Variants in PIR observed in about 807,000 individuals in gnomAD.
PIR encodes pirin (iron-binding nuclear protein).
A neutral mutation model predicts 24.2 loss-of-function variants in PIR; 22 were observed. The ratio of observed to expected loss-of-function variants is 0.91; its 90% confidence interval spans 0.65 to 1.30. PIR has a LOEUF of 1.30. PIR is among the 50% of genes most tolerant of loss of function. PIR has a pLI of 0.00. For synonymous variants in PIR, 80 were observed against 79.6 expected, an observed-to-expected ratio of 1.00 and a Z score of -0.03; for missense variants, 220 against 220.3, an observed-to-expected ratio of 1.00 and a Z score of 0.01.
chrX:15,434,526 C>T (rs1282335183), intron 5 of PIR, among the ~76,000 whole-genome samples: 2 of 110,327 alleles, frequency 1.8e-5, no homozygotes, highest in Non-Finnish European at 3.8e-5. Flanking sequence ...ACATGGAAGT[C>T]AGTGGTGACT....
chrX:15,417,066 C>T lies in PIR; in HGVS notation c.565+8840G>A, dbSNP rs568423267. Among the ~76,000 whole-genome samples the T allele has an allele frequency of 4.0e-3, 450 of 111,697 alleles. 1 individual carries two copies. Among genetic ancestry groups the T allele is most frequent in the Non-Finnish European group, 5.7e-3 (305 of 53,105 alleles). On this transcript the variant is annotated intron_variant, in intron 6 of 9. Transcript: ENST00000380420. ...CATGCCTCAGCCAATCCCCGCCCCC[C>T]TCCACCCCCAGTAGCTGGGACTATA...
At chrX:15,406,430 C>A in intron 7 of PIR, among the ~76,000 whole-genome samples, 1 of 111,995 alleles carries the variant, frequency 8.9e-6, no homozygotes, top group Non-Finnish European at 1.9e-5. Context: ...TGTAATCCCA[C>A]TGGGAAACTA....
At chrX:15,430,572 C>A (rs1000265693) in intron 5 of PIR, among the ~76,000 whole-genome samples, 5 of 111,441 alleles carry the variant, frequency 4.5e-5, no homozygotes, top group Non-Finnish European at 9.4e-5. Context: ...GTCTCAGACA[C>A]CACTCCAATA....
intron 3 of PIR, among the ~76,000 whole-genome samples, chrX:15,476,486 C>A (rs1922198465): frequency 9.0e-6 from 1 of 111,136 alleles, no homozygotes; most frequent in Non-Finnish European, 1.9e-5. Flanking sequence ...TTACAAAGTT[C>A]TTCCTTCTAT....
intron 6 of PIR, among the ~76,000 whole-genome samples, chrX:15,413,118 T>C (rs1191682975): frequency 8.9e-6 from 1 of 112,364 alleles, no homozygotes. Flanking sequence ...GTTTTTAATC[T>C]TCTCTACACA....
At chrX:15,424,493 T>A (rs963438101) in intron 6 of PIR, among the ~76,000 whole-genome samples, 3 of 111,964 alleles carry the variant, frequency 2.7e-5, no homozygotes, top group South Asian at 7.4e-4. Context: ...GATAGATCAG[T>A]AGGACGACTA....
intron 2 of PIR, 121 bp downstream of exon 2, chrX:15,491,041 C>T: frequency 2.1e-6 from 1 of 479,400 alleles, no homozygotes; most frequent in Non-Finnish European, 3.6e-6. Flanking sequence ...TTAAAGTTTG[C>T]ACTTATGCAC....
chrX:15,444,767 A>G (rs190635542), intron 5 of PIR, among the ~76,000 whole-genome samples: 1 of 111,564 alleles, frequency 9.0e-6, no homozygotes, highest in East Asian at 2.8e-4. Context: ...GTAGTTACCT[A>G]GAGACACTCA....
intron 3 of PIR, among the ~76,000 whole-genome samples, chrX:15,461,146 C>G (rs1269796069): frequency 9.0e-6 from 1 of 111,510 alleles, no homozygotes. Flanking sequence ...ATGGTGGGCC[C>G]TGGAGATTGG....
chrX:15,480,026 A>C lies in PIR; in HGVS notation c.97-205T>G, dbSNP rs1200451412. Among the ~76,000 whole-genome samples the C allele has an allele frequency of 5.4e-5, 6 of 111,799 alleles. No individual in the cohort carries two copies. In the East Asian group the frequency reaches 1.7e-3, roughly 31 times the overall value. On this transcript the variant is annotated intron_variant, in intron 2 of 9. Coordinates refer to ENST00000380420, the MANE Select transcript of PIR (RefSeq NM_001018109.3). ...TGTCCCCACCCAAATCTCATCTTGT[A>C]GCTCCCATAATTCCCGTGTGTTGTG...
At chrX:15,392,058 C>T (rs1052581201) in intron 8 of PIR, among the ~76,000 whole-genome samples, 16 of 111,086 alleles carry the variant, frequency 1.4e-4, no homozygotes, top group African/African-American at 5.3e-4. Context: ...CCAAACTAGC[C>T]AAATGGAGGG....
intron 9 of PIR, 71 bp downstream of exon 9, chrX:15,390,114 T>C: frequency 4.0e-6 from 2 of 500,560 alleles, no homozygotes; most frequent in Admixed American, 3.7e-5. Context: ...TTCCCAACAA[T>C]AGTATACATG....
intron 8 of PIR, among the ~76,000 whole-genome samples, chrX:15,394,370 A>G (rs1032458161): frequency 8.9e-6 from 1 of 112,186 alleles, no homozygotes; most frequent in Admixed American, 9.5e-5. Flanking sequence ...GTTTATTTTA[A>G]TCAAATGCTA....
At chrX:15,391,798 G>T (rs1179729785) in intron 8 of PIR, among the ~76,000 whole-genome samples, 1 of 111,387 alleles carries the variant, frequency 9.0e-6, no homozygotes, top group Non-Finnish European at 1.9e-5. Flanking sequence ...CTTCCTGACT[G>T]CTAATTCTGC....
chrX:15,440,452 T>A (rs1245523304), intron 5 of PIR, among the ~76,000 whole-genome samples: 1 of 110,578 alleles, frequency 9.0e-6, no homozygotes, highest in East Asian at 2.8e-4. Context: ...ACCACTGTCA[T>A]ATGTCTGCTT....
chrX:15,413,636 G>C (rs1924820286), intron 6 of PIR, among the ~76,000 whole-genome samples: 2 of 112,094 alleles, frequency 1.8e-5, no homozygotes, highest in East Asian at 5.6e-4. Flanking sequence ...CTGAGAGATA[G>C]GTTATTACCT....
intron 7 of PIR, among the ~76,000 whole-genome samples, chrX:15,398,106 G>GA (rs1277215267): frequency 9.1e-6 from 1 of 109,786 alleles, no homozygotes; most frequent in Non-Finnish European, 1.9e-5. Context: ...CTTGGGTGGG[G>GA]GTAGGGGGGA....
intron 3 of PIR, among the ~76,000 whole-genome samples, chrX:15,470,130 T>C (rs957121568): frequency 8.9e-6 from 1 of 111,814 alleles, no homozygotes; most frequent in African/African-American, 3.3e-5. Context: ...CCTGGGATCA[T>C]ATGGGCCCAC....
chrX:15,453,175 G>C (rs752637927), intron 5 of PIR, among the ~76,000 whole-genome samples: 1 of 111,736 alleles, frequency 8.9e-6, no homozygotes. Context: ...TCTTACTGGT[G>C]TCCTTTCTTG....
Sources: gnomAD v4.1 joint callset for allele counts (sites outside exome capture counted in the v4.1 genomes callset) on GRCh38, gnomAD v4.1.1 for gene constraint, MANE v1.5 for transcripts, NCBI Gene and HGNC (gene_info 2026-07-23, HGNC 2026-07-21) for gene names.